The following ARHGAP12 variants were observed in gnomAD, a reference collection of about 807,000 sequenced individuals.
ARHGAP12 encodes the protein Rho GTPase activating protein 12, also known as rho GTPase-activating protein 12.
ARHGAP12 carries 64 observed loss-of-function variants against 108.6 expected under a neutral mutation model. The ratio of observed to expected loss-of-function variants is 0.59; its 90% CI spans 0.48 to 0.73. The LOEUF (loss-of-function observed/expected upper bound fraction) is 0.73, where lower values mean the gene tolerates loss of function less well. ARHGAP12 is among the 30% of genes least tolerant of loss of function. ARHGAP12 has a pLI of 0.00. For synonymous variants in ARHGAP12, 312 were observed against 337.2 expected (o/e 0.93, Z 0.82); for missense variants, 940 against 1,005.9 (o/e 0.93, Z 0.89).
chr10:31,824,218 C>A (rs1398124922), intron 11 of ARHGAP12, among the ~76,000 whole-genome samples: 1 of 152,122 alleles, frequency 6.6e-6, no homozygotes, highest in African/African-American at 2.4e-5. Flanking sequence ...TAAGAATTGA[C>A]TGTACAACCA....
intron 10 of ARHGAP12, among the ~76,000 whole-genome samples, chr10:31,831,164 A>C (rs117253494): frequency 3.3e-5 from 5 of 152,350 alleles, no homozygotes; most frequent in Non-Finnish European, 7.4e-5. Context: ...CGTGCAAATA[A>C]ATAATGGGGA....
At chr10:31,861,191 G>A (rs1344977799) in intron 4 of ARHGAP12, among the ~76,000 whole-genome samples, 1 of 152,202 alleles carries the variant, frequency 6.6e-6, no homozygotes, top group Non-Finnish European at 1.5e-5. Flanking sequence ...TACGCACACA[G>A]GTTAGCAGCT....
At chr10:31,850,535 A>G (rs2132276736) in intron 6 of ARHGAP12, among the ~76,000 whole-genome samples, 1 of 152,252 alleles carries the variant, frequency 6.6e-6, no homozygotes, top group Non-Finnish European at 1.5e-5. Context: ...AACGGTACCA[A>G]TTTTGAAGAG....
chr10:31,879,705 T>A (rs865841375), intron 3 of ARHGAP12, among the ~76,000 whole-genome samples: 20 of 152,096 alleles, frequency 1.3e-4, no homozygotes, highest in Admixed American at 5.2e-4. Flanking sequence ...TCTAGTATTT[T>A]AAAAAAAAGA....
intron 12 of ARHGAP12, among the ~76,000 whole-genome samples, chr10:31,818,423 A>G (rs999028771): frequency 6.6e-6 from 1 of 152,188 alleles, no homozygotes; most frequent in Non-Finnish European, 1.5e-5. Flanking sequence ...AGTATTACTA[A>G]ATTAAGTGTC....
intron 3 of ARHGAP12, among the ~76,000 whole-genome samples, chr10:31,877,873 CTTGAGCCCAGCAGT>C (rs1837790462): frequency 1.3e-5 from 2 of 152,190 alleles, no homozygotes; most frequent in South Asian, 4.1e-4. Flanking sequence ...GGGCACATAG[CTTGAGCCCAGCAGT>C]TTGAGACCAG....
intron 3 of ARHGAP12, among the ~76,000 whole-genome samples, chr10:31,906,350 T>C (rs1354519161): frequency 6.6e-6 from 1 of 152,196 alleles, no homozygotes; most frequent in Non-Finnish European, 1.5e-5. Flanking sequence ...AATGCATTTA[T>C]TATGTGCCTC....
rs544623355 is a variant in ARHGAP12, at chr10:31,886,972, G to A, written c.684+21200C>T. Among the ~76,000 whole-genome samples the A allele has an allele frequency of 4.6e-5, 7 of 152,272 alleles. No homozygotes were observed. In the East Asian group the frequency reaches 7.7e-4, roughly 17 times the overall value. ...TGATAATAAAAATGCAGAGCAATCC[G>A]TAGCTATACCCTGTGTATTAGTCAA... is the stretch of plus-strand genomic sequence containing the variant. On this transcript the variant is annotated intron_variant, in intron 3 of 19. Coordinates refer to ENST00000344936, the MANE Select transcript of ARHGAP12 (RefSeq NM_018287.7).
chr10:31,828,644 G>C (rs1183303398), intron 10 of ARHGAP12, among the ~76,000 whole-genome samples: 1 of 151,964 alleles, frequency 6.6e-6, no homozygotes, highest in Non-Finnish European at 1.5e-5. Context: ...AACGATTATT[G>C]CCTCAAGGAC....
intron 7 of ARHGAP12, among the ~76,000 whole-genome samples, chr10:31,841,712 T>C (rs1379839326): frequency 6.6e-6 from 1 of 152,184 alleles, no homozygotes; most frequent in African/African-American, 2.4e-5. Context: ...CACCTTGTGG[T>C]ATTTTCAATT....
At chr10:31,883,705 G>C (rs984363471) in intron 3 of ARHGAP12, among the ~76,000 whole-genome samples, 1 of 149,228 alleles carries the variant, frequency 6.7e-6, no homozygotes, top group Non-Finnish European at 1.5e-5. Context: ...GTGACCTCAT[G>C]TAAAATACTT....
intron 6 of ARHGAP12, among the ~76,000 whole-genome samples, chr10:31,846,378 T>C (rs1258708183): frequency 6.6e-6 from 1 of 152,226 alleles, no homozygotes; most frequent in African/African-American, 2.4e-5. Context: ...AAAGACTTCC[T>C]ACAGCAACTC....
intron 3 of ARHGAP12, among the ~76,000 whole-genome samples, chr10:31,886,829 A>G (rs1437766886): frequency 6.6e-6 from 1 of 152,222 alleles, no homozygotes; most frequent in African/African-American, 2.4e-5. Flanking sequence ...CAGAGTGCTT[A>G]ACCTAGCTAC....
Position 31,928,818 on chromosome 10 carries a change from G to A in ARHGAP12, c.-246C>T, listed in dbSNP as rs1489667830. 6.6e-6 allele frequency: 1 copy of A among 151,838 alleles called. No individual in the cohort carries two copies. Among genetic ancestry groups the A allele is most frequent in the Non-Finnish European group, 1.5e-5 (1 of 67,950 alleles). The allele number at this position is 151,838 out of a possible 1,614,324, so 9.4% of individuals were successfully genotyped here. A position where few individuals can be genotyped will look rare whatever the true frequency, so the allele number is the denominator to read the frequency against. On this transcript the variant is annotated 5_prime_UTR_variant, in exon 1 of 20. Transcript: ENST00000344936. Reference sequence around the variant, plus strand: ...CCGTCCCCGCAGGCTGGCCTCTGAGGGAGGGTAAGTTACAGGGCACGTCGG... The same window carrying A: ...CCGTCCCCGCAGGCTGGCCTCTGAGAGAGGGTAAGTTACAGGGCACGTCGG...
chr10:31,827,357 A>C (rs12242559), intron 10 of ARHGAP12, among the ~76,000 whole-genome samples: 344 of 152,342 alleles, frequency 2.3e-3, no homozygotes, highest in African/African-American at 7.8e-3. Flanking sequence ...GCAGGTATGA[A>C]TCAGTGTTTA....
At chr10:31,887,176 A>C (rs936547702) in intron 3 of ARHGAP12, among the ~76,000 whole-genome samples, 1 of 152,216 alleles carries the variant, frequency 6.6e-6, no homozygotes, top group Admixed American at 6.5e-5. Flanking sequence ...ATGAAGATCC[A>C]GGGAAGTGTT....
At chr10:31,814,144 C>A (rs1047550443) in intron 14 of ARHGAP12, 115 bp downstream of exon 14, 1 of 808,812 alleles carries the variant, frequency 1.2e-6, no homozygotes, top group Non-Finnish European at 2.1e-6. Flanking sequence ...GTTAACTGCA[C>A]AGCCCTTTTG....
intron 3 of ARHGAP12, among the ~76,000 whole-genome samples, chr10:31,905,169 GC>G (rs1271870663): frequency 6.6e-6 from 1 of 151,970 alleles, no homozygotes; most frequent in Non-Finnish European, 1.5e-5. Flanking sequence ...CCCTTGCTAT[GC>G]TTGAAAAAAA....
At chr10:31,876,101 C>T (rs141911874) in intron 3 of ARHGAP12, among the ~76,000 whole-genome samples, 1 of 152,322 alleles carries the variant, frequency 6.6e-6, no homozygotes, top group Non-Finnish European at 1.5e-5. Flanking sequence ...CTGCTATGAA[C>T]ATGGTGTACA....
Sources: gnomAD v4.1 joint callset for allele counts (sites outside exome capture counted in the v4.1 genomes callset) on GRCh38, gnomAD v4.1.1 for gene constraint, MANE v1.5 for transcripts, NCBI Gene and HGNC (gene_info 2026-07-23, HGNC 2026-07-21) for gene names.